TTBK1: variants seen among roughly 807,000 people sequenced by gnomAD.
TTBK1 encodes tau-tubulin kinase 1.
TTBK1 carries 34 observed loss-of-function variants against 108.5 expected under a neutral mutation model. The observed-to-expected ratio is 0.31, with a 90% confidence interval of 0.24 to 0.42. The LOEUF (loss-of-function observed/expected upper bound fraction) is 0.42, where lower values mean the gene tolerates loss of function less well. TTBK1 is among the 10% of genes least tolerant of loss of function. The pLI is 1.00. For synonymous variants in TTBK1, 809 were observed against 795.1 expected, an observed-to-expected ratio of 1.02 and a Z score of -0.29; for missense variants, 1,539 against 1,826.0, an observed-to-expected ratio of 0.84 and a Z score of 2.86.
At position 43,276,140 on chromosome 6, in the gene TTBK1, C is replaced by T. The variant is rs1433164966; in HGVS notation, c.1987-6587C>T. On this transcript the variant is annotated intron_variant, in intron 13 of 14. Transcript: ENST00000259750. The surrounding 1 kb of genome is among the most constrained non-coding windows in gnomAD (Gnocchi z 5.4). ...GAGTCCCAGTCGGTTTATTCCTGAGCCTTCCCCTCCCATCGTAAGTCCTTC... is the reference window on the plus strand; with the variant it reads ...GAGTCCCAGTCGGTTTATTCCTGAGTCTTCCCCTCCCATCGTAAGTCCTTC... Among the ~76,000 whole-genome samples, 2 of 152,142 alleles carry T rather than the reference C, an allele frequency of 1.3e-5. No homozygotes were observed. Among genetic ancestry groups the T allele is most frequent in the Admixed American group, 1.3e-4 (2 of 15,280 alleles).
chr6:43,260,473 A>T (rs1352058383), intron 12 of TTBK1, among the ~76,000 whole-genome samples: 2 of 152,156 alleles, frequency 1.3e-5, no homozygotes, highest in East Asian at 3.8e-4. Flanking sequence ...AGTCCTGGGG[A>T]TAGGAGGGGT....
chr6:43,259,817 T>G lies in TTBK1; in HGVS notation c.1424+111T>G. The G allele has an allele frequency of 1.7e-6, 2 of 1,175,192 alleles. No individual in the cohort carries two copies. The highest frequency in any genetic ancestry group is 2.3e-6 in the Non-Finnish European group (2 of 855,536). The allele number at this position is 1,175,192 out of a possible 1,614,324, so 72.8% of individuals were successfully genotyped here. A position where few individuals can be genotyped will look rare whatever the true frequency, so the allele number is the denominator to read the frequency against. ...GCGGAGGTGGGCAGACCCTGGGAAG[T>G]GCTGAGAGGGTTATACTTGGGCCTG... On this transcript the variant is annotated intron_variant, in intron 12 of 14. Transcript: ENST00000259750. This position sits in a 1 kb window ranked among gnomAD's most constrained non-coding sequence, Gnocchi z 6.7.
chr6:43,258,803 AC>A (rs1777444620), intron 10 of TTBK1, among the ~76,000 whole-genome samples: 1 of 152,244 alleles, frequency 6.6e-6, no homozygotes, highest in Non-Finnish European at 1.5e-5. Flanking sequence ...CACTAAGTCA[AC>A]AGAGCTAGAT....
intron 2 of TTBK1, among the ~76,000 whole-genome samples, chr6:43,252,182 C>CTGTGTGTGTGTGTGTGTGTGTG (rs58985204): frequency 2.9e-5 from 4 of 140,014 alleles, no homozygotes; most frequent in African/African-American, 1.1e-4. Context: ...ACATCTGGCT[C>CTGTGTGTGTGTGTGTGTGTGTG]TGTGTGTGTG....
At chr6:43,244,314 C>T (rs1777032815) in intron 1 of TTBK1, among the ~76,000 whole-genome samples, 1 of 152,142 alleles carries the variant, frequency 6.6e-6, no homozygotes, top group Non-Finnish European at 1.5e-5. Flanking sequence ...GATTCTCACA[C>T]ACACCTGCTG....
In TTBK1 at chr6:43,284,852, G is replaced by A. The variant is rs1010954536; in HGVS notation, c.3573-131G>A. On this transcript the variant is annotated intron_variant, in intron 14 of 14. Coordinates refer to ENST00000259750, the MANE Select transcript of TTBK1 (RefSeq NM_032538.3). ...GAGCCAGGCCTCAGTTTACCCATCT[G>A]TGCCATGGTCTCAGTCTCAGCTCTG... 8.8e-6 allele frequency: 12 copies of A among 1,358,932 alleles called. No individual in the cohort carries two copies. In the African/African-American group the frequency reaches 9.2e-5, roughly 10 times the overall value. The allele number at this position is 1,358,932 out of a possible 1,614,324, so 84.2% of individuals were successfully genotyped here. A position where few individuals can be genotyped will look rare whatever the true frequency, so the allele number is the denominator to read the frequency against.
chr6:43,275,165 T>TGC (rs1777934655), intron 13 of TTBK1, among the ~76,000 whole-genome samples: 2 of 152,122 alleles, frequency 1.3e-5, no homozygotes, highest in Non-Finnish European at 2.9e-5. Flanking sequence ...GCACGAGGAC[T>TGC]GCGCAGCCGG....
Position 43,255,211 on chromosome 6 carries a change from G to A in TTBK1, c.642+97G>A. The A allele has an allele frequency of 4.1e-6, 4 of 987,450 alleles. 1 individual carries two copies. The South Asian group carries it at 4.1e-5, about 10-fold the overall frequency. 61.2% of individuals were successfully genotyped at this position (987,450 alleles called of 1,614,324 possible). On this transcript the variant is annotated intron_variant, in intron 7 of 14. Coordinates refer to ENST00000259750, the MANE Select transcript of TTBK1 (RefSeq NM_032538.3). ...GGAGGGGTGGGGAGAGGAGAGTGGGGCAGGGGCTGCAATCTGCCACCCCAG... is the reference window on the plus strand; with the variant it reads ...GGAGGGGTGGGGAGAGGAGAGTGGGACAGGGGCTGCAATCTGCCACCCCAG...
intron 13 of TTBK1, among the ~76,000 whole-genome samples, chr6:43,275,753 C>T (rs1402425071): frequency 6.6e-6 from 1 of 152,078 alleles, no homozygotes; most frequent in Non-Finnish European, 1.5e-5. Context: ...CACTGAGGGC[C>T]CTGGGGGTCA....
chr6:43,254,810 C>T (rs933811406), intron 6 of TTBK1, among the ~76,000 whole-genome samples, 159 bp downstream of exon 6: 1 of 152,148 alleles, frequency 6.6e-6, no homozygotes, highest in South Asian at 2.1e-4. Context: ...GGCCTGTCCC[C>T]TCTCGCCGTT....
chr6:43,282,720 C>G lies in TTBK1; in HGVS notation c.1987-7C>G. 8 of 1,594,370 alleles carry G rather than the reference C, an allele frequency of 5.0e-6. No individual in the cohort carries two copies. Among genetic ancestry groups the G allele is most frequent in the Non-Finnish European group, 6.0e-6 (7 of 1,171,532 alleles). Reference sequence around the variant, plus strand: ...CCTCAGAGGGTCCCTGTGTATGCCCCTTGCAGGTGTTCTCCGTGGCGCCCC... The same window carrying G: ...CCTCAGAGGGTCCCTGTGTATGCCCGTTGCAGGTGTTCTCCGTGGCGCCCC... On this transcript the variant is annotated splice_polypyrimidine_tract_variant and splice_region_variant and intron_variant, in intron 13 of 14. Transcript: ENST00000259750. This position sits in a 1 kb window ranked among gnomAD's most constrained non-coding sequence, Gnocchi z 5.4.
In TTBK1 at chr6:43,282,609, TCA is replaced by T. The variant is rs1211354555; in HGVS notation, c.1987-114_1987-113del. The T allele has an allele frequency of 1.1e-5, 9 of 816,640 alleles. No individual in the cohort carries two copies. Among genetic ancestry groups the T allele is most frequent in the Admixed American group, 2.4e-5 (1 of 41,740 alleles). 50.6% of individuals were successfully genotyped at this position (816,640 alleles called of 1,614,324 possible). A position where few individuals can be genotyped will look rare whatever the true frequency, so the allele number is the denominator to read the frequency against. ...GTGCCTGTGCTTAACTTTATGGAGC[TCA>T]CACTCTGGTAGACGACCTGGGCCTG... On this transcript the variant is annotated intron_variant, in intron 13 of 14. Coordinates refer to ENST00000259750, the MANE Select transcript of TTBK1 (RefSeq NM_032538.3). The surrounding 1 kb of genome is among the most constrained non-coding windows in gnomAD (Gnocchi z 5.4).
chr6:43,283,799 T>C lies in TTBK1; in HGVS notation c.3059T>C (p.Leu1020Pro), dbSNP rs1778267267. The change falls in exon 14 of 15, where the codon CTT becomes CCT. Residue 1020 changes from leucine to proline, a missense_variant. Physicochemically the swap from Leu to Pro is moderately conservative, Grantham distance 98. Transcript: ENST00000259750. The surrounding 1 kb of genome is among the most constrained non-coding windows in gnomAD (Gnocchi z 8.1). ...AACTCACTGCCCAATGGCCCGGCCCTTGCAGACGGGCCAGCCCCGGTGTCC... is the reference window on the plus strand; with the variant it reads ...AACTCACTGCCCAATGGCCCGGCCCCTGCAGACGGGCCAGCCCCGGTGTCC... ...ATNSLPNGPA[L>P]ADGPAPVSPL... The C allele has an allele frequency of 2.5e-6, 4 of 1,613,324 alleles. No homozygotes were observed. Among genetic ancestry groups the C allele is most frequent in the Middle Eastern group, 1.6e-4 (1 of 6,080 alleles).
intron 13 of TTBK1, chr6:43,272,335 A>C (rs575565549): frequency 2.0e-6 from 2 of 985,378 alleles, no homozygotes; most frequent in Non-Finnish European, 2.4e-6. Flanking sequence ...CTAAGATCCC[A>C]AAGTGCCTTG....
chr6:43,271,369 G>A (rs1244527015), intron 13 of TTBK1: 2 of 985,414 alleles, frequency 2.0e-6, no homozygotes, highest in South Asian at 9.4e-5. Context: ...TCCAGGAAGT[G>A]CCATTTACAT....
In TTBK1 at chr6:43,259,842, G is replaced by A; in HGVS notation, c.1424+136G>A. 1 of 912,724 alleles carries A rather than the reference G, an allele frequency of 1.1e-6. No individual in the cohort carries two copies. 56.5% of individuals were successfully genotyped at this position (912,724 alleles called of 1,614,324 possible). A position where few individuals can be genotyped will look rare whatever the true frequency, so the allele number is the denominator to read the frequency against. On this transcript the variant is annotated intron_variant, in intron 12 of 14. Transcript: ENST00000259750. This position sits in a 1 kb window ranked among gnomAD's most constrained non-coding sequence, Gnocchi z 6.7. ...TGCTGAGAGGGTTATACTTGGGCCT[G>A]GGGTCAGACTCAGTTGGGGCCAGAG...
rs925466806 is a variant in TTBK1, at chr6:43,285,361, G to T, written c.3951G>T (p.Arg1317=). ...TKGRAGGAEG[R]AGAR is the part of the protein sequence containing the mutation. ...GCCGGGCAGGAGGCGCGGAGGGCCG[G>T]GCTGGGGCCAGATAATGACGCCCGC... Residue 1317 remains arginine, a synonymous_variant, in exon 15 of 15, where the codon CGG becomes CGT. Transcript: ENST00000259750. This position sits in a 1 kb window ranked among gnomAD's most constrained non-coding sequence, Gnocchi z 4.7. The T allele has an allele frequency of 7.8e-7, 1 of 1,281,034 alleles. No individual in the cohort carries two copies. The highest frequency in any genetic ancestry group is 9.8e-7 in the Non-Finnish European group (1 of 1,018,960). The allele number at this position is 1,281,034 out of a possible 1,614,324, so 79.4% of individuals were successfully genotyped here. A position where few individuals can be genotyped will look rare whatever the true frequency, so the allele number is the denominator to read the frequency against.
chr6:43,285,486 C>T lies in TTBK1; in HGVS notation c.*110C>T. 2 of 1,218,398 alleles carry T rather than the reference C, an allele frequency of 1.6e-6. No homozygotes were observed. Among genetic ancestry groups the T allele is most frequent in the Non-Finnish European group, 2.0e-6 (2 of 978,538 alleles). The allele number at this position is 1,218,398 out of a possible 1,614,324, so 75.5% of individuals were successfully genotyped here. ...GCCTTACGCGCCCGACGCGCGCCAC[C>T]CGCGGCCCCAGCTTTCCGCCTGCAC... On this transcript the variant is annotated 3_prime_UTR_variant, in exon 15 of 15. Coordinates refer to ENST00000259750, the MANE Select transcript of TTBK1 (RefSeq NM_032538.3). The surrounding 1 kb of genome is among the most constrained non-coding windows in gnomAD (Gnocchi z 4.7).
intron 13 of TTBK1, chr6:43,270,121 C>G: frequency 7.3e-7 from 1 of 1,375,962 alleles, no homozygotes; most frequent in East Asian, 2.9e-5. Context: ...AATACTCCCA[C>G]CCCAAGCAGA....
Sources: gnomAD v4.1 joint callset for allele counts (sites outside exome capture counted in the v4.1 genomes callset) on GRCh38, gnomAD v4.1.1 for gene constraint, Gnocchi (gnomAD v3.1) non-coding constraint, MANE v1.5 for transcripts, NCBI Gene and HGNC (gene_info 2026-07-23, HGNC 2026-07-21) for gene names.